The following TRDN variants were observed in gnomAD, a reference collection of about 807,000 sequenced individuals.
The protein encoded by TRDN is triadin, also known as triadin in skeletal muscle.
Under a neutral mutation model 149.7 loss-of-function variants are expected in TRDN, and 161 were observed. That is an observed-to-expected ratio of 1.08 (90% CI 0.95 to 1.23). TRDN has a LOEUF of 1.23. Among genes scored for constraint, TRDN ranks in the 50% most tolerant of loss-of-function variants. TRDN has a pLI of 0.00. For missense variants in TRDN, 896 were observed against 823.5 expected, an observed-to-expected ratio of 1.09 and a Z score of -1.08; for synonymous variants, 294 against 250.5, an observed-to-expected ratio of 1.17 and a Z score of -1.64.
At chr6:123,246,018 A>G (rs1776162174) in intron 38 of TRDN, among the ~76,000 whole-genome samples, 1 of 152,172 alleles carries the variant, frequency 6.6e-6, no homozygotes, top group Non-Finnish European at 1.5e-5. Flanking sequence ...AGGCAGAAAT[A>G]AATGAGTTCT....
intron 12 of TRDN, among the ~76,000 whole-genome samples, chr6:123,404,030 C>G (rs80104377): frequency 6.6e-6 from 1 of 152,054 alleles, no homozygotes; most frequent in Non-Finnish European, 1.5e-5. Context: ...TATAGGGCAG[C>G]TTTTCCTTCT....
intron 4 of TRDN, among the ~76,000 whole-genome samples, chr6:123,542,616 A>G (rs1780893164): frequency 6.6e-6 from 1 of 152,166 alleles, no homozygotes; most frequent in South Asian, 2.1e-4. Context: ...AAACTGTAAA[A>G]AGGAGATAGA....
intron 2 of TRDN, among the ~76,000 whole-genome samples, chr6:123,568,621 G>A (rs539020950): frequency 1.3e-5 from 2 of 152,308 alleles, no homozygotes; most frequent in Admixed American, 6.5e-5. Context: ...AGGCACCAAG[G>A]CTTATGGCTT....
intron 30 of TRDN, among the ~76,000 whole-genome samples, chr6:123,270,518 G>A (rs111843635): frequency 4.6e-5 from 7 of 152,052 alleles, no homozygotes; most frequent in East Asian, 1.9e-4. Flanking sequence ...GAATCAAACA[G>A]AGGAAGTTCA....
chr6:123,314,957 G>T (rs563740976), intron 24 of TRDN, among the ~76,000 whole-genome samples: 5 of 152,004 alleles, frequency 3.3e-5, no homozygotes, highest in African/African-American at 9.6e-5. Flanking sequence ...ATCTTTGCCC[G>T]TGTAACAAAC....
Position 123,530,494 on chromosome 6 carries a change from T to A in TRDN, c.484+12A>T. On this transcript the variant is annotated intron_variant, in intron 5 of 40. Transcript: ENST00000334268. ...ATCTAAATGAAGAATAAACATAAAA[T>A]GAAATGTTTACCTTTAGTTTGTATT... 1 of 1,228,030 alleles carries A rather than the reference T, an allele frequency of 8.1e-7. No individual in the cohort carries two copies. Among genetic ancestry groups the A allele is most frequent in the African/African-American group, 1.6e-5 (1 of 63,480 alleles). The allele number at this position is 1,228,030 out of a possible 1,614,324, so 76.1% of individuals were successfully genotyped here. A position where few individuals can be genotyped will look rare whatever the true frequency, so the allele number is the denominator to read the frequency against.
intron 9 of TRDN, chr6:123,489,478 T>C (rs1414872121): frequency 1.3e-5 from 2 of 152,252 alleles, no homozygotes; most frequent in Non-Finnish European, 2.9e-5. Context: ...AAAATTAATA[T>C]TTCTTGACTT....
At chr6:123,307,331 T>C (rs528702074) in intron 24 of TRDN, among the ~76,000 whole-genome samples, 2 of 152,226 alleles carry the variant, frequency 1.3e-5, no homozygotes, top group South Asian at 4.1e-4. Flanking sequence ...ACACTTCTTA[T>C]ATCTGGGACA....
At chr6:123,587,821 C>G (rs1054306378) in intron 1 of TRDN, among the ~76,000 whole-genome samples, 5 of 152,032 alleles carry the variant, frequency 3.3e-5, no homozygotes, top group Non-Finnish European at 4.4e-5. Flanking sequence ...AGTGGGGGAG[C>G]TTTTGAGCCA....
chr6:123,546,098 T>C (rs1781097557), intron 4 of TRDN, among the ~76,000 whole-genome samples: 1 of 152,116 alleles, frequency 6.6e-6, no homozygotes, highest in South Asian at 2.1e-4. Context: ...AGCTTGACTA[T>C]GTTCACTCTC....
At chr6:123,414,253 T>C (rs1455890179) in intron 12 of TRDN, among the ~76,000 whole-genome samples, 1 of 152,128 alleles carries the variant, frequency 6.6e-6, no homozygotes. Flanking sequence ...ATCCTTTCTA[T>C]TGAGATTTTT....
intron 1 of TRDN, among the ~76,000 whole-genome samples, chr6:123,606,883 T>C (rs1407680212): frequency 1.3e-5 from 2 of 152,206 alleles, no homozygotes; most frequent in Admixed American, 6.5e-5. Flanking sequence ...TTATACTATA[T>C]ACAATCATCT....
At chr6:123,350,906 C>T (rs972339869) in intron 21 of TRDN, 124 of 984,502 alleles carry the variant, frequency 1.3e-4, no homozygotes, top group Non-Finnish European at 1.4e-4. Context: ...AAGATCCTAT[C>T]TCTAAGAACC....
At chr6:123,541,644 T>C (rs1279274358) in intron 4 of TRDN, among the ~76,000 whole-genome samples, 8 of 152,174 alleles carry the variant, frequency 5.3e-5, no homozygotes, top group Non-Finnish European at 7.3e-5. Flanking sequence ...GGTGCAGTTA[T>C]GGAGATGAGC....
chr6:123,522,537 T>TC (rs1207929176), intron 5 of TRDN, among the ~76,000 whole-genome samples: 2 of 149,400 alleles, frequency 1.3e-5, no homozygotes, highest in African/African-American at 4.9e-5. Context: ...TTTTTTTTTT[T>TC]TTGCATTTTC....
chr6:123,227,800 T>G (rs1359960920), intron 38 of TRDN, among the ~76,000 whole-genome samples: 2 of 151,858 alleles, frequency 1.3e-5, no homozygotes, highest in East Asian at 1.9e-4. Flanking sequence ...CAGGGTGGAG[T>G]GCAATGACGC....
chr6:123,270,611 A>G (rs966587), intron 30 of TRDN, among the ~76,000 whole-genome samples: 132,997 of 151,942 alleles, frequency 0.88, 58,628 homozygotes, highest in East Asian at 0.99. Flanking sequence ...AAGAGTATGT[A>G]TCTTTTCTTT....
intron 1 of TRDN, among the ~76,000 whole-genome samples, chr6:123,572,406 T>G (rs1312573238): frequency 6.6e-6 from 1 of 152,100 alleles, no homozygotes; most frequent in Admixed American, 6.6e-5. Context: ...ATGGTGTAAC[T>G]CATTCTTCTT....
intron 12 of TRDN, among the ~76,000 whole-genome samples, chr6:123,431,377 C>G (rs1320406600): frequency 2.6e-5 from 4 of 152,106 alleles, no homozygotes; most frequent in Non-Finnish European, 5.9e-5. Context: ...CAATATCACT[C>G]AAAAGTGTAT....
Sources: allele counts gnomAD v4.1 joint callset (sites outside exome capture counted in the v4.1 genomes callset), GRCh38; gene constraint gnomAD v4.1.1; transcripts MANE v1.5; gene names NCBI Gene and HGNC (gene_info 2026-07-23, HGNC 2026-07-21).